The following QKI variants were observed in gnomAD, a reference collection of about 807,000 sequenced individuals.
The protein encoded by QKI is KH domain-containing RNA-binding protein QKI.
A neutral mutation model predicts 39.0 loss-of-function variants in QKI; 10 were observed. The observed-to-expected ratio is 0.26, with a 90% CI of 0.16 to 0.43. The LOEUF (loss-of-function observed/expected upper bound fraction) is 0.43. Among genes scored for constraint, QKI ranks in the 20% least tolerant of loss-of-function variants. The pLI, the probability that QKI is intolerant of heterozygous loss-of-function variation, is 1.00. For missense variants in QKI, 218 were observed against 428.0 expected, an observed-to-expected ratio of 0.51 and a Z score of 4.33; for synonymous variants, 204 against 155.4, an observed-to-expected ratio of 1.31 and a Z score of -2.33.
chr6:163,415,476 C>A, intron 1 of QKI, 141 bp downstream of exon 1: 1 of 750,558 alleles, frequency 1.3e-6, no homozygotes, highest in Non-Finnish European at 1.8e-6. Flanking sequence ...GGAGGGCGCA[C>A]AAAGGAGGTG....
rs73784436 is a variant in QKI, at chr6:163,507,550, A to G, written c.403-27432A>G. ...CAGAGAAATCTCTGCTGATGGAGAA[A>G]GATAAAAAGAAGGGAAAGAAAAGAG... is the stretch of plus-strand genomic sequence containing the variant. On this transcript the variant is annotated intron_variant, in intron 3 of 7. Coordinates refer to ENST00000361752, the MANE Select transcript of QKI (RefSeq NM_006775.3). Among the ~76,000 whole-genome samples, 494 of 152,308 alleles carry G rather than the reference A, an allele frequency of 3.2e-3. 4 individuals carry two copies. The highest frequency in any genetic ancestry group is 0.011 in the African/African-American group (464 of 41,574).
chr6:163,465,727 G>T (rs1005124541), intron 2 of QKI, among the ~76,000 whole-genome samples: 1 of 151,158 alleles, frequency 6.6e-6, no homozygotes, highest in Admixed American at 6.6e-5. Context: ...AAAAACCCAA[G>T]ACTTCATCAA....
intron 3 of QKI, among the ~76,000 whole-genome samples, chr6:163,484,193 A>G (rs1583071147): frequency 6.7e-6 from 1 of 148,828 alleles, no homozygotes; most frequent in African/African-American, 2.5e-5. Context: ...GGCAGGGTAC[A>G]TTAGCCTTTT....
intron 6 of QKI, chr6:163,564,390 G>A: frequency 1.6e-6 from 2 of 1,280,890 alleles, no homozygotes; most frequent in South Asian, 1.8e-5. Flanking sequence ...CATAGTATAA[G>A]TGGTCCGTTG....
chr6:163,497,977 T>C (rs114735088), intron 3 of QKI, among the ~76,000 whole-genome samples: 1 of 152,116 alleles, frequency 6.6e-6, no homozygotes, highest in African/African-American at 2.4e-5. Flanking sequence ...TGCGGCCTTA[T>C]GAAGTTTTTG....
At chr6:163,450,091 C>T (rs1445562843) in intron 1 of QKI, among the ~76,000 whole-genome samples, 2 of 151,408 alleles carry the variant, frequency 1.3e-5, no homozygotes, top group Non-Finnish European at 2.9e-5. Context: ...GGAGTCTCAC[C>T]CTGTCACCCA....
chr6:163,495,277 A>G (rs1247043817), intron 3 of QKI, among the ~76,000 whole-genome samples: 1 of 152,198 alleles, frequency 6.6e-6, no homozygotes, highest in African/African-American at 2.4e-5. Context: ...TGGTTGATGA[A>G]AATGTGACCA....
At chr6:163,505,237 T>C (rs1176075964) in intron 3 of QKI, among the ~76,000 whole-genome samples, 1 of 152,168 alleles carries the variant, frequency 6.6e-6, no homozygotes, top group East Asian at 1.9e-4. Flanking sequence ...GGACCCCTCA[T>C]GGAGAACCTC....
chr6:163,439,394 C>G (rs1789575086), intron 1 of QKI, among the ~76,000 whole-genome samples: 1 of 143,072 alleles, frequency 7.0e-6, no homozygotes, highest in Non-Finnish European at 1.5e-5. Flanking sequence ...GTTGCCCAGG[C>G]TGGATTGCAG....
intron 3 of QKI, among the ~76,000 whole-genome samples, chr6:163,480,259 T>TTCTCTC (rs372934674): frequency 6.7e-6 from 1 of 149,470 alleles, no homozygotes; most frequent in Non-Finnish European, 1.5e-5. Flanking sequence ...GTCTGTCTCT[T>TTCTCTC]TCTCTCTCTC....
At chr6:163,453,185 A>C (rs1161430963) in intron 1 of QKI, among the ~76,000 whole-genome samples, 1 of 150,952 alleles carries the variant, frequency 6.6e-6, no homozygotes, top group Non-Finnish European at 1.5e-5. Flanking sequence ...ATGGTTACTT[A>C]TAATAGTAGA....
At chr6:163,445,092 G>A (rs2757583) in intron 1 of QKI, among the ~76,000 whole-genome samples, 27,213 of 151,948 alleles carry the variant, frequency 0.18, 2,856 homozygotes, top group Middle Eastern at 0.26. Context: ...GATGGGATTT[G>A]CCATGTTGCC....
chr6:163,439,327 G>C (rs909402287), intron 1 of QKI, among the ~76,000 whole-genome samples: 2 of 144,140 alleles, frequency 1.4e-5, no homozygotes, highest in Non-Finnish European at 3.0e-5. Flanking sequence ...ATAATCCTTC[G>C]TGGTTTTTTT....
rs113763299 is a variant in QKI at position 163,525,718 on chromosome 6, G to A, written c.403-9264G>A. Among the ~76,000 whole-genome samples the A allele has an allele frequency of 7.9e-3, 1,202 of 152,168 alleles. 16 individuals carry two copies. The highest frequency in any genetic ancestry group is 0.027 in the African/African-American group (1,138 of 41,500). On this transcript the variant is annotated intron_variant, in intron 3 of 7. Transcript: ENST00000361752. ...AAATAATTGTAATCTTGATTATGTT[G>A]ACTTTTAAGTATTGTATTTAGCCTT...
rs1783945866 is a variant in QKI at position 163,575,800 on chromosome 6, A to G, written c.*5090A>G. 6.7e-6 allele frequency: 1 copy of G among 150,312 alleles called. No homozygotes were observed. Among genetic ancestry groups the G allele is most frequent in the Admixed American group, 6.6e-5 (1 of 15,156 alleles). The allele number at this position is 150,312 out of a possible 1,614,324, so 9.3% of individuals were successfully genotyped here. On this transcript the variant is annotated 3_prime_UTR_variant, in exon 8 of 8. Transcript: ENST00000361752. The stretch of plus-strand genomic sequence containing the variant: ...CCAAATCAAGACTCTTCATATATAT[A>G]CGTGTGTGTATATATATATGTCATA...
intron 2 of QKI, among the ~76,000 whole-genome samples, chr6:163,473,739 T>C (rs1180582555): frequency 6.6e-6 from 1 of 152,178 alleles, no homozygotes; most frequent in Non-Finnish European, 1.5e-5. Flanking sequence ...GCTTCACCAG[T>C]GAATTTTATT....
chr6:163,415,346 C>T lies in QKI; in HGVS notation c.142+11C>T. ...GGCTGCTGGACGAAGGTGAGCGTCTCCAGGGCCCCGGCCCCGGCCCGACCC... is the reference window on the plus strand; with the variant it reads ...GGCTGCTGGACGAAGGTGAGCGTCTTCAGGGCCCCGGCCCCGGCCCGACCC... On this transcript the variant is annotated intron_variant, in intron 1 of 7. Coordinates refer to ENST00000361752, the MANE Select transcript of QKI (RefSeq NM_006775.3). The T allele has an allele frequency of 6.3e-7, 1 of 1,580,842 alleles. No individual in the cohort carries two copies. The highest frequency in any genetic ancestry group is 1.4e-5 in the African/African-American group (1 of 73,674).
chr6:163,426,563 A>G lies in QKI; in HGVS notation c.142+11228A>G, dbSNP rs112806777. On this transcript the variant is annotated intron_variant, in intron 1 of 7. Transcript: ENST00000361752. ...GGAACCAGAAGGTGCCCCATCGACC[A>G]AAGGTGCCCCGTCAACATTCACACC... Among the ~76,000 whole-genome samples, 1,300 of 152,176 alleles carry G rather than the reference A, an allele frequency of 8.5e-3. 6 individuals are homozygous for G. The highest frequency in any genetic ancestry group is 0.017 in the Middle Eastern group (5 of 294).
intron 3 of QKI, among the ~76,000 whole-genome samples, chr6:163,512,353 CAAAATA>C (rs983772458): frequency 6.6e-6 from 1 of 151,650 alleles, no homozygotes; most frequent in African/African-American, 2.4e-5. Context: ...AGCAGTAAAA[CAAAATA>C]AAAGGCATAC....
Sources: allele counts gnomAD v4.1 joint callset (sites outside exome capture counted in the v4.1 genomes callset), GRCh38; gene constraint gnomAD v4.1.1; transcripts MANE v1.5; gene names NCBI Gene and HGNC (gene_info 2026-07-23, HGNC 2026-07-21).